The following ANKRD22 variants were observed in gnomAD, a reference collection of about 807,000 sequenced individuals.
ANKRD22 encodes ankyrin repeat domain-containing protein 22.
Under a neutral mutation model 25.7 loss-of-function variants are expected in ANKRD22, and 24 were observed. The ratio of observed to expected loss-of-function variants is 0.93; its 90% CI spans 0.68 to 1.31. The LOEUF is 1.31. Ranked by LOEUF, ANKRD22 falls within the 50% of genes most tolerant of loss-of-function variation. The pLI is 0.00. For synonymous variants in ANKRD22, 84 were observed against 84.3 expected (o/e 1.00, Z 0.02); for missense variants, 214 against 227.1 (o/e 0.94, Z 0.37).
intron 1 of ANKRD22, among the ~76,000 whole-genome samples, chr10:88,850,521 C>G (rs559169163): frequency 6.6e-6 from 1 of 152,230 alleles, no homozygotes; most frequent in Admixed American, 6.6e-5. Context: ...AAAAAGTATA[C>G]TTTTGTATCC....
At position 88,828,806 on chromosome 10, in the gene ANKRD22, T is replaced by G. The variant is rs1397772302; in HGVS notation, c.214-140A>C. The G allele has an allele frequency of 7.9e-6, 5 of 633,544 alleles. No individual in the cohort carries two copies. In the African/African-American group the frequency reaches 9.2e-5, roughly 12 times the overall value. 39.2% of individuals were successfully genotyped at this position (633,544 alleles called of 1,614,324 possible). Reference sequence around the variant, plus strand: ...TCTTTTCCTGTGGGATACATCTGATTACTGAATGCGGCTTTCCATGGAGCA... The same window carrying G: ...TCTTTTCCTGTGGGATACATCTGATGACTGAATGCGGCTTTCCATGGAGCA... On this transcript the variant is annotated intron_variant, in intron 2 of 5. Coordinates refer to ENST00000371930, the MANE Select transcript of ANKRD22 (RefSeq NM_144590.3).
intron 1 of ANKRD22, among the ~76,000 whole-genome samples, chr10:88,850,891 G>T (rs897719684): frequency 6.6e-6 from 1 of 151,980 alleles, no homozygotes; most frequent in African/African-American, 2.4e-5. Context: ...CCAGTTAATT[G>T]TGTCAGAGGA....
In ANKRD22 at chr10:88,826,114, A is replaced by G. The variant is rs761733836; in HGVS notation, c.323T>C (p.Val108Ala). 67 of 1,604,708 alleles carry G rather than the reference A, an allele frequency of 4.2e-5. No individual in the cohort carries two copies. The Admixed American group carries it at 1.1e-3, about 27-fold the overall frequency. Residue 108 changes from valine to alanine, a missense_variant and splice_region_variant, in exon 4 of 6, where the codon GTA (valine) becomes GCA (alanine). By Grantham distance (64) the Val-to-Ala change is moderately conservative. Coordinates refer to ENST00000371930, the MANE Select transcript of ANKRD22 (RefSeq NM_144590.3). ...AGCCTCATTCTGCTTTGTCTTTGAT[A>G]CCTATTACAAATGGTAATTATAAGA... Reference protein sequence around the residue: ...PVLLIGYFLMVSKTKQNEALV... With the variant: ...PVLLIGYFLMASKTKQNEALV...
chr10:88,829,295 C>A (rs967259522), intron 2 of ANKRD22, among the ~76,000 whole-genome samples: 1 of 152,062 alleles, frequency 6.6e-6, no homozygotes, highest in Non-Finnish European at 1.5e-5. Context: ...ATTGGAATAC[C>A]AATCAAATCA....
At chr10:88,851,519 A>G (rs1844104401) in intron 1 of ANKRD22, 68 bp downstream of exon 1, 10 of 1,562,796 alleles carry the variant, frequency 6.4e-6, no homozygotes, top group Non-Finnish European at 8.8e-6. Context: ...AGGGATAGAA[A>G]ATTGCATCTG....
chr10:88,830,773 C>G (rs891797323), intron 2 of ANKRD22, among the ~76,000 whole-genome samples: 3 of 152,180 alleles, frequency 2.0e-5, no homozygotes, highest in Non-Finnish European at 4.4e-5. Context: ...CCTCAGTTTC[C>G]TAACGAGCGC....
At chr10:88,835,400 GA>G (rs1843944377) in intron 1 of ANKRD22, among the ~76,000 whole-genome samples, 1 of 152,138 alleles carries the variant, frequency 6.6e-6, no homozygotes, top group African/African-American at 2.4e-5. Context: ...TACGTTCTGA[GA>G]AATGTGTTGT....
chr10:88,833,438 G>A (rs888623047), intron 1 of ANKRD22, among the ~76,000 whole-genome samples: 6 of 152,166 alleles, frequency 3.9e-5, no homozygotes, highest in Non-Finnish European at 8.8e-5. Flanking sequence ...TCTGTCAAGT[G>A]GGGAAATAGG....
At chr10:88,838,299 A>C (rs538227063) in intron 1 of ANKRD22, among the ~76,000 whole-genome samples, 1 of 152,168 alleles carries the variant, frequency 6.6e-6, no homozygotes, top group Non-Finnish European at 1.5e-5. Flanking sequence ...GGCAAGAGCA[A>C]GGATTAGGAA....
Position 88,820,722 on chromosome 10 carries a change from G to C in ANKRD22, c.*2219C>G, listed in dbSNP as rs1358819208. Among the ~76,000 whole-genome samples the C allele has an allele frequency of 1.3e-5, 2 of 152,036 alleles. No individual in the cohort carries two copies. The highest frequency in any genetic ancestry group is 2.9e-5 in the Non-Finnish European group (2 of 67,992). ...TATTATATATTCTACCATCTTGAAG[G>C]GTAGGTTTTACCTGATAGCCAGAAA... On this transcript the variant is annotated 3_prime_UTR_variant, in exon 6 of 6. Transcript: ENST00000371930.
intron 1 of ANKRD22, among the ~76,000 whole-genome samples, chr10:88,841,387 A>T: frequency 6.6e-6 from 1 of 152,138 alleles, no homozygotes; most frequent in East Asian, 1.9e-4. Flanking sequence ...GAGAAAAAAA[A>T]AGAAAGAAAG....
At position 88,828,521 on chromosome 10, in the gene ANKRD22, T is replaced by C. The variant is rs748849848; in HGVS notation, c.321+38A>G. ...GAGTCAATGAGTCACACCATCGATC[T>C]CCACATTTGCCCTTTGCTCTACAAG... is the stretch of plus-strand genomic sequence containing the variant. On this transcript the variant is annotated intron_variant, in intron 3 of 5. Coordinates refer to ENST00000371930, the MANE Select transcript of ANKRD22 (RefSeq NM_144590.3). 4.9e-6 allele frequency: 7 copies of C among 1,440,568 alleles called. No individual in the cohort carries two copies. In the East Asian group the frequency reaches 1.6e-4, roughly 33 times the overall value. The allele number at this position is 1,440,568 out of a possible 1,614,324, so 89.2% of individuals were successfully genotyped here. A position where few individuals can be genotyped will look rare whatever the true frequency, so the allele number is the denominator to read the frequency against.
intron 3 of ANKRD22, among the ~76,000 whole-genome samples, chr10:88,828,258 G>GT (rs1229002445): frequency 6.6e-6 from 1 of 152,112 alleles, no homozygotes. Context: ...TAGAAGGGGT[G>GT]TTTTTTAATA....
intron 1 of ANKRD22, among the ~76,000 whole-genome samples, chr10:88,840,613 A>T (rs900961804): frequency 3.9e-5 from 6 of 152,148 alleles, no homozygotes; most frequent in Admixed American, 2.0e-4. Context: ...CCCTCACTTA[A>T]AATGTTCCAT....
At chr10:88,840,761 A>G (rs1035235622) in intron 1 of ANKRD22, among the ~76,000 whole-genome samples, 1 of 152,190 alleles carries the variant, frequency 6.6e-6, no homozygotes, top group Non-Finnish European at 1.5e-5. Context: ...TTGGAGAATG[A>G]TAATAAAAAC....
chr10:88,851,668 T>C lies in ANKRD22; in HGVS notation c.-61A>G. The C allele has an allele frequency of 6.3e-7, 1 of 1,590,708 alleles. No homozygotes were observed. The highest frequency in any genetic ancestry group is 1.7e-5 in the Admixed American group (1 of 59,890). ...TCCTTGAATCTTCTGGAGGTATTTCTGATGAATATCAAAATCCTTCCTGGC... is the reference window on the plus strand; with the variant it reads ...TCCTTGAATCTTCTGGAGGTATTTCCGATGAATATCAAAATCCTTCCTGGC... On this transcript the variant is annotated 5_prime_UTR_variant, in exon 1 of 6. Transcript: ENST00000371930.
At chr10:88,834,199 T>G (rs1341831463) in intron 1 of ANKRD22, among the ~76,000 whole-genome samples, 1 of 152,332 alleles carries the variant, frequency 6.6e-6, no homozygotes, top group East Asian at 1.9e-4. Flanking sequence ...AAAACAAAAC[T>G]AAATGCAACA....
intron 1 of ANKRD22, among the ~76,000 whole-genome samples, chr10:88,849,734 T>C (rs1844085929): frequency 6.6e-6 from 1 of 152,130 alleles, no homozygotes; most frequent in African/African-American, 2.4e-5. Flanking sequence ...TATGAACAAA[T>C]ACCTTTGATA....
intron 1 of ANKRD22, among the ~76,000 whole-genome samples, chr10:88,838,126 T>A (rs1843971256): frequency 6.6e-6 from 1 of 152,136 alleles, no homozygotes; most frequent in African/African-American, 2.4e-5. Context: ...TTTTGGACCA[T>A]CGTAATTAAA....
Sources: gnomAD v4.1 joint callset for allele counts (sites outside exome capture counted in the v4.1 genomes callset) on GRCh38, gnomAD v4.1.1 for gene constraint, MANE v1.5 for transcripts, NCBI Gene and HGNC (gene_info 2026-07-23, HGNC 2026-07-21) for gene names.